DCHS1: variants seen among roughly 807,000 people sequenced by gnomAD.
DCHS1 encodes protocadherin-16.
DCHS1 carries 78 observed loss-of-function variants against 213.9 expected under a neutral mutation model. The observed-to-expected ratio is 0.36, with a 90% CI of 0.30 to 0.44. DCHS1 has a LOEUF of 0.44. DCHS1 is among the 20% of genes least tolerant of loss of function. DCHS1 has a pLI of 1.00. For synonymous variants in DCHS1, 1,828 were observed against 1,873.7 expected (o/e 0.98, Z 0.63); for missense variants, 3,946 against 4,395.9 (o/e 0.90, Z 2.89).
At chr11:6,639,683 A>T in intron 2 of DCHS1, 134 bp downstream of exon 2, 1 of 766,782 alleles carries the variant, frequency 1.3e-6, no homozygotes, top group Non-Finnish European at 2.0e-6. Flanking sequence ...TTTGGAGCTT[A>T]CAACATAGGG....
intron 4 of DCHS1, 53 bp downstream of exon 4, chr11:6,633,736 G>C: frequency 6.3e-7 from 1 of 1,598,466 alleles, no homozygotes; most frequent in Non-Finnish European, 8.6e-7. Flanking sequence ...CATCATTTAG[G>C]CAGGTGGGGA....
Position 6,627,670 on chromosome 11 carries a change from G to A in DCHS1, c.5372-3C>T, listed in dbSNP as rs2134620376. On this transcript the variant is annotated splice_polypyrimidine_tract_variant and splice_region_variant and intron_variant, in intron 13 of 20. Transcript: ENST00000299441. The surrounding 1 kb of genome is among the most constrained non-coding windows in gnomAD (Gnocchi z 5.4). ...AAAGGCTCCTGATGGGTCCCCATCT[G>A]CAGAGAAGGGCATGCACATATAAAT... The A allele has an allele frequency of 1.9e-6, 3 of 1,610,244 alleles. No homozygotes were observed. The East Asian group carries it at 6.7e-5, about 36-fold the overall frequency.
In DCHS1 at chr11:6,629,808, C is replaced by G. The variant is rs1855870496; in HGVS notation, c.4899G>C (p.Gln1633His). 2.5e-6 allele frequency: 4 copies of G among 1,613,322 alleles called. No homozygotes were observed. The highest frequency in any genetic ancestry group is 3.4e-6 in the Non-Finnish European group (4 of 1,179,916). Reference protein sequence around the residue: ...DHGSPPRSATQVLTVSVADVN... With the variant: ...DHGSPPRSATHVLTVSVADVN... ...CGTCAGCGACACTGACGGTCAGGAC[C>G]TGCGTGGCCGAGCGCGGCGGGGAGC... The change falls in exon 11 of 21, where the codon CAG (glutamine) becomes CAC (histidine). Residue 1633 changes from glutamine (Q) to histidine (H), a missense_variant. Gln to His is a conservative substitution (Grantham distance 24). This residue lies in a region of DCHS1 where 3,384 missense variants were observed against 3,780.1 expected (regional missense o/e 0.90). Transcript: ENST00000299441.
In DCHS1 at chr11:6,626,691, C is replaced by T. The variant is rs758700898; in HGVS notation, c.6251-26G>A. ...CTGCAGAAAGAACGGTATTGTTGGA[C>T]TGTGAGCGCGAGACTGGGAGAGTTT... On this transcript the variant is annotated intron_variant, in intron 14 of 20. Transcript: ENST00000299441. The surrounding 1 kb of genome is among the most constrained non-coding windows in gnomAD (Gnocchi z 5.2). 2 of 1,612,856 alleles carry T rather than the reference C, an allele frequency of 1.2e-6. No individual in the cohort carries two copies. The highest frequency in any genetic ancestry group is 2.2e-5 in the East Asian group (1 of 44,878).
Position 6,625,580 on chromosome 11 carries a change from A to G in DCHS1, c.6862+17T>C. On this transcript the variant is annotated intron_variant, in intron 18 of 20. Transcript: ENST00000299441. The surrounding 1 kb of genome is among the most constrained non-coding windows in gnomAD (Gnocchi z 5.3). ...CTCTCTGCCACCCTTTATGCCACCC[A>G]CTTTACCCAGCCTCACCTTCTGACA... The G allele has an allele frequency of 6.2e-7, 1 of 1,613,412 alleles. No homozygotes were observed. The highest frequency in any genetic ancestry group is 1.7e-5 in the Admixed American group (1 of 59,920).
intron 1 of DCHS1, among the ~76,000 whole-genome samples, chr11:6,655,188 C>T (rs1429299276): frequency 1.3e-5 from 2 of 152,150 alleles, no homozygotes; most frequent in African/African-American, 4.8e-5. Flanking sequence ...GTCATTCTGA[C>T]CCTCACACCC....
At position 6,630,866 on chromosome 11, in the gene DCHS1, G is replaced by C; in HGVS notation, c.3931-3C>G. On this transcript the variant is annotated splice_region_variant and splice_polypyrimidine_tract_variant and intron_variant, in intron 9 of 20. Coordinates refer to ENST00000299441, the MANE Select transcript of DCHS1 (RefSeq NM_003737.4). Reference sequence around the variant, plus strand: ...GCCAAGCGAGCTGAGGGAAGCACCTGTTGTGGACCGGGGAGGGAGAACAGA... The same window carrying C: ...GCCAAGCGAGCTGAGGGAAGCACCTCTTGTGGACCGGGGAGGGAGAACAGA... 2 of 1,518,468 alleles carry C rather than the reference G, an allele frequency of 1.3e-6. No homozygotes were observed. The highest frequency in any genetic ancestry group is 2.4e-5 in the East Asian group (1 of 42,394). 94.1% of individuals were successfully genotyped at this position (1,518,468 alleles called of 1,614,324 possible).
chr11:6,651,011 C>T (rs530332930), intron 1 of DCHS1, among the ~76,000 whole-genome samples: 4 of 152,172 alleles, frequency 2.6e-5, no homozygotes, highest in South Asian at 2.1e-4. Context: ...GAAGAGTGAA[C>T]GAGGGTGAGG....
At chr11:6,633,355 A>G in intron 5 of DCHS1, 57 bp downstream of exon 5, 1 of 1,489,072 alleles carries the variant, frequency 6.7e-7, no homozygotes, top group Non-Finnish European at 9.1e-7. Flanking sequence ...ATGGTGCTGG[A>G]GGGTTATACT....
chr11:6,629,819 A>T lies in DCHS1; in HGVS notation c.4888T>A (p.Ser1630Thr), dbSNP rs374299095. The T allele has an allele frequency of 6.2e-6, 10 of 1,613,098 alleles. No homozygotes were observed. In the African/African-American group the frequency reaches 9.3e-5, roughly 15 times the overall value. Residue 1630 changes from serine to threonine, a missense_variant, in exon 11 of 21, where the codon TCG (serine) becomes ACG (threonine). This residue lies in a region of DCHS1 where 3,384 missense variants were observed against 3,780.1 expected (regional missense o/e 0.90). Transcript: ENST00000299441. The part of the protein sequence containing the change: ...VASDHGSPPR[S>T]ATQVLTVSVA... Reference sequence around the variant, plus strand: ...CTGACGGTCAGGACCTGCGTGGCCGAGCGCGGCGGGGAGCCGTGGTCTGAG... The same window carrying T: ...CTGACGGTCAGGACCTGCGTGGCCGTGCGCGGCGGGGAGCCGTGGTCTGAG...
chr11:6,631,351 T>C lies in DCHS1; in HGVS notation c.3732A>G (p.Pro1244=). 6.2e-7 allele frequency: 1 copy of C among 1,613,992 alleles called. No homozygotes were observed. Among genetic ancestry groups the C allele is most frequent in the Non-Finnish European group, 8.5e-7 (1 of 1,179,872 alleles). The change falls in exon 8 of 21, where the codon CCA becomes CCG. Residue 1244 remains proline (P), a synonymous_variant. Coordinates refer to ENST00000299441, the MANE Select transcript of DCHS1 (RefSeq NM_003737.4). ...AGATGGTCCCATTCTCCCCCTCATC[T>C]GGATCCTTCGCCTGCAGAGTCGTCA... The part of the protein sequence containing the change: ...TLVTTLQAKD[P]DEGENGTILY...
At chr11:6,647,878 G>A (rs1856187677) in intron 1 of DCHS1, among the ~76,000 whole-genome samples, 1 of 152,178 alleles carries the variant, frequency 6.6e-6, no homozygotes, top group Non-Finnish European at 1.5e-5. Flanking sequence ...GAAGAATGAG[G>A]CCTCTGGGAG....
intron 1 of DCHS1, among the ~76,000 whole-genome samples, chr11:6,650,200 T>C (rs894160678): frequency 2.6e-5 from 4 of 152,186 alleles, no homozygotes; most frequent in African/African-American, 4.8e-5. Flanking sequence ...AAGCTTCTTC[T>C]ATCCAGTAGC....
chr11:6,634,182 G>A lies in DCHS1; in HGVS notation c.1922C>T (p.Thr641Ile). The stretch of plus-strand genomic sequence containing the variant: ...CCCCTGGTCACGGTCCAGGGTCCGG[G>A]TTGTGCACACATCACCGCTGTGGGC... Reference protein sequence around the residue: ...IDAHSGDVCTTRTLDRDQGPS... With the variant: ...IDAHSGDVCTIRTLDRDQGPS... The change falls in exon 3 of 21, where the codon ACC becomes ATC. Residue 641 changes from threonine to isoleucine, a missense_variant. Coordinates refer to ENST00000299441, the MANE Select transcript of DCHS1 (RefSeq NM_003737.4). The A allele has an allele frequency of 6.2e-7, 1 of 1,613,862 alleles. No homozygotes were observed.
rs1317333474 is a variant in DCHS1, at chr11:6,627,414, C to T, written c.5625G>A (p.Leu1875=). 7 of 1,610,298 alleles carry T rather than the reference C, an allele frequency of 4.3e-6. No homozygotes were observed. In the South Asian group the frequency reaches 7.7e-5, roughly 18 times the overall value. The change falls in exon 14 of 21, where the codon CTG becomes CTA. Residue 1875 remains leucine, a synonymous_variant. Coordinates refer to ENST00000299441, the MANE Select transcript of DCHS1 (RefSeq NM_003737.4). This position sits in a 1 kb window ranked among gnomAD's most constrained non-coding sequence, Gnocchi z 5.4. ...CATCAGGGTCATGAGCCTGTAGCTG[C>T]AGCAGCAGGGTCCCTGCAGGCACAT... ...PEDVPAGTLL[L]QLQAHDPDAG...
chr11:6,629,576 C>T lies in DCHS1; in HGVS notation c.5037G>A (p.Gly1679=). 6.2e-7 allele frequency: 1 copy of T among 1,613,662 alleles called. No homozygotes were observed. The highest frequency in any genetic ancestry group is 8.5e-7 in the Non-Finnish European group (1 of 1,179,756). ...CTCCATAAGTCACTTGCCCGTTGGC[C>T]CCTGAGGAGGGGCAGCATGGAGGGC... ...LTLRATDPDV[G]ANGQVTYGGV... The change falls in exon 12 of 21, where the codon GGG becomes GGA. Residue 1679 remains glycine, a splice_region_variant and synonymous_variant. Transcript: ENST00000299441.
chr11:6,655,120 T>C (rs1035849121), intron 1 of DCHS1, among the ~76,000 whole-genome samples: 1 of 152,070 alleles, frequency 6.6e-6, no homozygotes, highest in Non-Finnish European at 1.5e-5. Flanking sequence ...TTCTGACACA[T>C]GGGCTCCCAC....
Position 6,625,577 on chromosome 11 carries a change from C to T in DCHS1, c.6862+20G>A, listed in dbSNP as rs766215086. ...TGTCTCTCTGCCACCCTTTATGCCACCCACTTTACCCAGCCTCACCTTCTG... is the reference window on the plus strand; with the variant it reads ...TGTCTCTCTGCCACCCTTTATGCCATCCACTTTACCCAGCCTCACCTTCTG... On this transcript the variant is annotated intron_variant, in intron 18 of 20. Coordinates refer to ENST00000299441, the MANE Select transcript of DCHS1 (RefSeq NM_003737.4). The surrounding 1 kb of genome is among the most constrained non-coding windows in gnomAD (Gnocchi z 5.3). 3 of 1,613,382 alleles carry T rather than the reference C, an allele frequency of 1.9e-6. No individual in the cohort carries two copies. Among genetic ancestry groups the T allele is most frequent in the Non-Finnish European group, 2.5e-6 (3 of 1,179,832 alleles).
rs1012537218 is a variant in DCHS1 at position 6,621,673 on chromosome 11, T to A, written c.*106A>T. The A allele has an allele frequency of 2.2e-6, 3 of 1,351,782 alleles. No individual in the cohort carries two copies. Among genetic ancestry groups the A allele is most frequent in the Non-Finnish European group, 3.1e-6 (3 of 979,706 alleles). The allele number at this position is 1,351,782 out of a possible 1,614,324, so 83.7% of individuals were successfully genotyped here. On this transcript the variant is annotated 3_prime_UTR_variant, in exon 21 of 21. Coordinates refer to ENST00000299441, the MANE Select transcript of DCHS1 (RefSeq NM_003737.4). Reference sequence around the variant, plus strand: ...GGAGAGCTGGGGCCTGGTGGTGGCCTCCCCGTAGCCAGTCATAGTCCGAGG... The same window carrying A: ...GGAGAGCTGGGGCCTGGTGGTGGCCACCCCGTAGCCAGTCATAGTCCGAGG...
Sources: gnomAD v4.1 joint callset for allele counts (sites outside exome capture counted in the v4.1 genomes callset) on GRCh38, gnomAD v4.1.1 for gene constraint, gnomAD v4.1.1 regional missense constraint, Gnocchi (gnomAD v3.1) non-coding constraint, MANE v1.5 for transcripts, NCBI Gene and HGNC (gene_info 2026-07-23, HGNC 2026-07-21) for gene names.